TNIK: variants seen among roughly 807,000 people sequenced by gnomAD.
The protein encoded by TNIK is TRAF2 and NCK interacting kinase.
A neutral mutation model predicts 191.3 loss-of-function variants in TNIK; 49 were observed. The ratio of observed to expected loss-of-function variants is 0.26; its 90% confidence interval spans 0.20 to 0.32. The LOEUF (loss-of-function observed/expected upper bound fraction) is 0.32. Ranked by LOEUF, TNIK falls within the 10% of genes least tolerant of loss-of-function variation. TNIK has a pLI of 1.00. For synonymous variants in TNIK, 594 were observed against 600.9 expected (o/e 0.99, Z 0.17); for missense variants, 1,155 against 1,702.3 (o/e 0.68, Z 5.66).
At chr3:171,337,483 T>C (rs1560446850) in intron 2 of TNIK, among the ~76,000 whole-genome samples, 2 of 152,216 alleles carry the variant, frequency 1.3e-5, no homozygotes, top group African/African-American at 2.4e-5. Flanking sequence ...GTAAATACGG[T>C]TTAAGCCTGG....
intron 1 of TNIK, 51 bp from the exon 2 acceptor site, chr3:171,369,736 T>C: frequency 1.4e-6 from 2 of 1,446,132 alleles, no homozygotes; most frequent in Non-Finnish European, 1.9e-6. Flanking sequence ...TTCCAGGCAT[T>C]GCCTTAATCA....
chr3:171,093,759 A>G, intron 23 of TNIK, 80 bp downstream of exon 23: 2 of 1,560,604 alleles, frequency 1.3e-6, no homozygotes. Flanking sequence ...TACATGCCAT[A>G]GGCATTCTCT....
At position 171,182,846 on chromosome 3, in the gene TNIK, T is replaced by C. The variant is rs147830480; in HGVS notation, c.640-5466A>G. Among the ~76,000 whole-genome samples the C allele has an allele frequency of 3.5e-3, 526 of 152,124 alleles. 1 individual carries two copies. Among genetic ancestry groups the C allele is most frequent in the African/African-American group, 0.011 (455 of 41,508 alleles). ...CCAATGTGCACCATGAGGTAGAAGG[T>C]GCCTATGGTCTGCAGCCAGACCCAA... On this transcript the variant is annotated intron_variant, in intron 7 of 32. Transcript: ENST00000436636.
At position 171,108,138 on chromosome 3, in the gene TNIK, G is replaced by A. The variant is rs78157182; in HGVS notation, c.2309C>T (p.Pro770Leu). The A allele has an allele frequency of 1.0e-5, 16 of 1,569,432 alleles. No individual in the cohort carries two copies. Among genetic ancestry groups the A allele is most frequent in the African/African-American group, 1.4e-5 (1 of 73,972 alleles). The change falls in exon 20 of 33, where the codon CCT becomes CTT. Residue 770 changes from proline (P) to leucine (L), a missense_variant. Transcript: ENST00000436636. ...VRANSKSEGS[P>L]VLPHEPAKVK... ...CTTCGCAGGCTCATGGGGGAGCACA[G>A]GTGATCCTTCTGACTTACTGTTGGC...
chr3:171,155,136 A>C (rs537707114), intron 12 of TNIK, among the ~76,000 whole-genome samples: 1 of 152,218 alleles, frequency 6.6e-6, no homozygotes, highest in African/African-American at 2.4e-5. Flanking sequence ...AGGAAAAATG[A>C]CTCGCAGTGA....
At chr3:171,120,360 G>T (rs569611492) in intron 18 of TNIK, among the ~76,000 whole-genome samples, 3 of 129,798 alleles carry the variant, frequency 2.3e-5, no homozygotes, top group Non-Finnish European at 4.7e-5. Flanking sequence ...TTGCTCTGTT[G>T]CCCAGGCTGG....
chr3:171,195,571 C>G (rs546164907), intron 4 of TNIK, among the ~76,000 whole-genome samples: 1 of 151,264 alleles, frequency 6.6e-6, no homozygotes, highest in Non-Finnish European at 1.5e-5. Context: ...GATATCAGCA[C>G]TATGTTTCCA....
At chr3:171,431,216 T>C (rs970142769) in intron 1 of TNIK, among the ~76,000 whole-genome samples, 5 of 152,108 alleles carry the variant, frequency 3.3e-5, no homozygotes, top group Admixed American at 2.0e-4. Context: ...AAAAAGGTCT[T>C]GGAATAGTAT....
Position 171,101,332 on chromosome 3 carries a change from T to C in TNIK, c.2591+117A>G, listed in dbSNP as rs948671027. ...CCAACAAAAACCCAAGTCCCGAAAG[T>C]CAATTTATCTTGCCACAGACCCATA... On this transcript the variant is annotated intron_variant, in intron 22 of 32. Transcript: ENST00000436636. The C allele has an allele frequency of 2.0e-5, 24 of 1,198,564 alleles. No homozygotes were observed. In the African/African-American group the frequency reaches 3.5e-4, roughly 18 times the overall value. 74.2% of individuals were successfully genotyped at this position (1,198,564 alleles called of 1,614,324 possible). A position where few individuals can be genotyped will look rare whatever the true frequency, so the allele number is the denominator to read the frequency against.
chr3:171,398,374 T>A (rs1395039326), intron 1 of TNIK, among the ~76,000 whole-genome samples: 4 of 152,174 alleles, frequency 2.6e-5, no homozygotes, highest in South Asian at 4.1e-4. Context: ...GTTACGAAAT[T>A]GTTGGGATAG....
chr3:171,408,492 G>A (rs1037245795), intron 1 of TNIK, among the ~76,000 whole-genome samples: 3 of 152,164 alleles, frequency 2.0e-5, no homozygotes, highest in African/African-American at 7.2e-5. Flanking sequence ...CTTAGGGTCA[G>A]GTGACCAAGA....
At chr3:171,438,513 T>A (rs893966404) in intron 1 of TNIK, among the ~76,000 whole-genome samples, 1 of 152,186 alleles carries the variant, frequency 6.6e-6, no homozygotes, top group African/African-American at 2.4e-5. Context: ...CACTGCAGAA[T>A]GCAAATGTAA....
At chr3:171,228,330 G>C (rs1219181905) in intron 2 of TNIK, 109 bp from the exon 3 acceptor site, 13 of 1,077,746 alleles carry the variant, frequency 1.2e-5, no homozygotes, top group East Asian at 2.5e-5. Flanking sequence ...TATGTCAATG[G>C]GGGGAGAGAG....
intron 2 of TNIK, chr3:171,347,330 A>G: frequency 8.6e-7 from 1 of 1,163,886 alleles, no homozygotes; most frequent in South Asian, 1.5e-5. Context: ...AGTAGCATCT[A>G]GATGCCTGGT....
intron 1 of TNIK, among the ~76,000 whole-genome samples, chr3:171,435,848 C>T (rs1409372796): frequency 6.6e-6 from 1 of 152,014 alleles, no homozygotes; most frequent in Non-Finnish European, 1.5e-5. Context: ...TTTCCAGATC[C>T]TAAGCCAGAA....
At chr3:171,231,466 G>T (rs541002743) in intron 2 of TNIK, among the ~76,000 whole-genome samples, 1 of 152,180 alleles carries the variant, frequency 6.6e-6, no homozygotes, top group African/African-American at 2.4e-5. Context: ...AATACACCTT[G>T]GGATGGCAGT....
chr3:171,415,386 A>G (rs558201411), intron 1 of TNIK, among the ~76,000 whole-genome samples: 2 of 152,340 alleles, frequency 1.3e-5, no homozygotes, highest in South Asian at 4.1e-4. Flanking sequence ...TCACCACTGT[A>G]TCATCAGCAC....
intron 1 of TNIK, among the ~76,000 whole-genome samples, chr3:171,427,217 C>A (rs533127341): frequency 6.6e-6 from 1 of 152,268 alleles, no homozygotes; most frequent in Admixed American, 6.5e-5. Flanking sequence ...AATCCCCAGT[C>A]AGCTCCTCTC....
intron 22 of TNIK, among the ~76,000 whole-genome samples, chr3:171,099,562 C>A (rs1339861298): frequency 6.6e-6 from 1 of 151,866 alleles, no homozygotes; most frequent in East Asian, 1.9e-4. Context: ...TAACCCTTAC[C>A]CTGAAAGATA....
Sources: gnomAD v4.1 joint callset for allele counts (sites outside exome capture counted in the v4.1 genomes callset) on GRCh38, gnomAD v4.1.1 for gene constraint, MANE v1.5 for transcripts, NCBI Gene and HGNC (gene_info 2026-07-23, HGNC 2026-07-21) for gene names.